DENND11: variants seen among roughly 807,000 people sequenced by gnomAD.
The protein encoded by DENND11 is DENN domain-containing protein 11.
A neutral mutation model predicts 49.2 loss-of-function variants in DENND11; 34 were observed. That is an observed-to-expected ratio of 0.69 (90% confidence interval 0.53 to 0.92). The LOEUF (loss-of-function observed/expected upper bound fraction) is 0.92. Among genes scored for constraint, DENND11 ranks in the 40% least tolerant of loss-of-function variants. DENND11 has a pLI of 0.00. For synonymous variants in DENND11, 238 were observed against 230.3 expected, an observed-to-expected ratio of 1.03 and a Z score of -0.30; for missense variants, 475 against 581.6, an observed-to-expected ratio of 0.82 and a Z score of 1.88.
At chr7:141,677,401 AAAT>A (rs796868873) in intron 3 of DENND11, among the ~76,000 whole-genome samples, 19 of 71,360 alleles carry the variant, frequency 2.7e-4, no homozygotes, top group Admixed American at 7.3e-4. Context: ...AAAAAAAAAA[AAAT>A]ATATATATAT....
chr7:141,658,384 A>G lies in DENND11; in HGVS notation c.*4272T>C, dbSNP rs951886787. 2 of 152,144 alleles carry G rather than the reference A, an allele frequency of 1.3e-5. No homozygotes were observed. The highest frequency in any genetic ancestry group is 1.9e-4 in the East Asian group (1 of 5,188). 9.4% of individuals were successfully genotyped at this position (152,144 alleles called of 1,614,324 possible). ...AGCCCTTAACTCCTCCTCTCCCCCT[A>G]CCTGAATCACAAAAGGGTTTTCCTG... On this transcript the variant is annotated 3_prime_UTR_variant, in exon 9 of 9. Coordinates refer to ENST00000536163, the MANE Select transcript of DENND11 (RefSeq NM_001080392.2).
chr7:141,670,108 C>A (rs1357412259), intron 4 of DENND11, among the ~76,000 whole-genome samples: 1 of 150,972 alleles, frequency 6.6e-6, no homozygotes, highest in Non-Finnish European at 1.5e-5. Flanking sequence ...CCGCGCCCGG[C>A]CTCATACATG....
chr7:141,666,103 G>A (rs1045196798), intron 5 of DENND11, among the ~76,000 whole-genome samples, 184 bp downstream of exon 5: 9 of 151,444 alleles, frequency 5.9e-5, no homozygotes, highest in Middle Eastern at 3.4e-3. Flanking sequence ...GGCCACTGAT[G>A]TGTCATCCAA....
Position 141,663,047 on chromosome 7 carries a change from T to G in DENND11, c.1173-196A>C, listed in dbSNP as rs965229596. 5 of 462,308 alleles carry G rather than the reference T, an allele frequency of 1.1e-5. No homozygotes were observed. In the South Asian group the frequency reaches 2.4e-4, roughly 22 times the overall value. The allele number at this position is 462,308 out of a possible 1,614,324, so 28.6% of individuals were successfully genotyped here. Reference sequence around the variant, plus strand: ...TACTAAGGTTAGCAAAGAAACCATTTGGCATTAATTATGGTGTGATTAGGG... The same window carrying G: ...TACTAAGGTTAGCAAAGAAACCATTGGGCATTAATTATGGTGTGATTAGGG... On this transcript the variant is annotated intron_variant, in intron 8 of 8. Transcript: ENST00000536163.
chr7:141,671,499 C>A (rs987529105), intron 4 of DENND11, among the ~76,000 whole-genome samples: 1 of 152,114 alleles, frequency 6.6e-6, no homozygotes, highest in Non-Finnish European at 1.5e-5. Context: ...GATGTGCTGA[C>A]ATATTGTTTT....
chr7:141,694,540 C>T (rs1194609881), intron 1 of DENND11, among the ~76,000 whole-genome samples: 2 of 152,060 alleles, frequency 1.3e-5, no homozygotes, highest in East Asian at 1.9e-4. Flanking sequence ...GTATTACAGG[C>T]GTTAGTATAT....
chr7:141,678,860 A>G (rs1319799390), intron 3 of DENND11, among the ~76,000 whole-genome samples: 1 of 152,234 alleles, frequency 6.6e-6, no homozygotes, highest in Non-Finnish European at 1.5e-5. Context: ...AAATGTGGTT[A>G]TGAGTCGTAG....
At chr7:141,685,454 T>A in intron 3 of DENND11, 24 bp downstream of exon 3, 1 of 1,612,160 alleles carries the variant, frequency 6.2e-7, no homozygotes, top group Non-Finnish European at 8.5e-7. Flanking sequence ...GCTGCCTCCC[T>A]GCACATGTAC....
chr7:141,664,775 T>C lies in DENND11; in HGVS notation c.1103+129A>G, dbSNP rs1014581001. ...GGGCTTCCCTTCATTTCCATCTCCATCCCAGGCAGCATGGAGACTGGGAGA... is the reference window on the plus strand; with the variant it reads ...GGGCTTCCCTTCATTTCCATCTCCACCCCAGGCAGCATGGAGACTGGGAGA... On this transcript the variant is annotated intron_variant, in intron 7 of 8. Transcript: ENST00000536163. 9 of 1,118,412 alleles carry C rather than the reference T, an allele frequency of 8.0e-6. No homozygotes were observed. The African/African-American group carries it at 1.4e-4, about 18-fold the overall frequency. The allele number at this position is 1,118,412 out of a possible 1,614,324, so 69.3% of individuals were successfully genotyped here.
intron 6 of DENND11, 41 bp from the exon 7 acceptor site, chr7:141,665,095 C>T (rs749061461): frequency 2.0e-5 from 33 of 1,609,922 alleles, no homozygotes; most frequent in Non-Finnish European, 2.7e-5. Flanking sequence ...CCCACCCGAC[C>T]CCACTGGGAA....
At chr7:141,683,964 A>G (rs533498056) in intron 3 of DENND11, among the ~76,000 whole-genome samples, 1 of 152,340 alleles carries the variant, frequency 6.6e-6, no homozygotes, top group South Asian at 2.1e-4. Context: ...GTCTTGCTCT[A>G]TCACTCAGGC....
chr7:141,671,966 G>A (rs1402399334), intron 4 of DENND11, among the ~76,000 whole-genome samples: 1 of 152,240 alleles, frequency 6.6e-6, no homozygotes, highest in Non-Finnish European at 1.5e-5. Context: ...ATGGACTGTA[G>A]ATTGAAAGGC....
chr7:141,670,099 C>T (rs908705298), intron 4 of DENND11, among the ~76,000 whole-genome samples: 31 of 150,920 alleles, frequency 2.1e-4, no homozygotes, highest in Non-Finnish European at 3.2e-4. Flanking sequence ...CGTGAGCCAC[C>T]GCGCCCGGCC....
At chr7:141,701,650 A>T in intron 1 of DENND11, 60 of 239,980 alleles carry the variant, frequency 2.5e-4, no homozygotes, top group Middle Eastern at 1.2e-3. Flanking sequence ...GCTGGAACAA[A>T]GCCCTCGGGG....
chr7:141,683,932 A>G (rs1798189322), intron 3 of DENND11, among the ~76,000 whole-genome samples: 1 of 152,112 alleles, frequency 6.6e-6, no homozygotes, highest in African/African-American at 2.4e-5. Flanking sequence ...AAGGATTTTT[A>G]TTTTTTTATT....
chr7:141,672,435 C>G (rs919249467), intron 4 of DENND11, among the ~76,000 whole-genome samples: 3 of 152,198 alleles, frequency 2.0e-5, no homozygotes, highest in Non-Finnish European at 4.4e-5. Flanking sequence ...AAAGCAAGCT[C>G]ACATAGTGGA....
At chr7:141,699,448 AG>A (rs530347729) in intron 1 of DENND11, among the ~76,000 whole-genome samples, 266 of 152,334 alleles carry the variant, frequency 1.7e-3, no homozygotes, top group African/African-American at 5.7e-3. Flanking sequence ...AAGGTCTATC[AG>A]AGTATTTTTA....
intron 1 of DENND11, among the ~76,000 whole-genome samples, chr7:141,687,631 A>ACT (rs1554410465): frequency 8.9e-6 from 1 of 112,824 alleles, no homozygotes; most frequent in African/African-American, 3.3e-5. Context: ...CACTCGGCTA[A>ACT]TTTTTTTTTT....
chr7:141,675,387 C>G (rs1456645789), intron 3 of DENND11, among the ~76,000 whole-genome samples: 3 of 152,202 alleles, frequency 2.0e-5, no homozygotes, highest in African/African-American at 7.2e-5. Flanking sequence ...TTAAGCCACT[C>G]AGTTTTGGCA....
Sources: allele counts gnomAD v4.1 joint callset (sites outside exome capture counted in the v4.1 genomes callset), GRCh38; gene constraint gnomAD v4.1.1; transcripts MANE v1.5; gene names NCBI Gene and HGNC (gene_info 2026-07-23, HGNC 2026-07-21).